BTBD7: variants seen among roughly 807,000 people sequenced by gnomAD.
The protein encoded by BTBD7 is BTB/POZ domain-containing protein 7.
A neutral mutation model predicts 99.9 loss-of-function variants in BTBD7; 38 were observed. That is an observed-to-expected ratio of 0.38 (90% CI 0.29 to 0.50). The LOEUF is 0.50. Ranked by LOEUF, BTBD7 falls within the 20% of genes least tolerant of loss-of-function variation. BTBD7 has a pLI of 0.93. For synonymous variants in BTBD7, 520 were observed against 511.4 expected (o/e 1.02, Z -0.23); for missense variants, 1,170 against 1,394.6 (o/e 0.84, Z 2.57).
chr14:93,320,921 A>C, intron 1 of BTBD7, among the ~76,000 whole-genome samples: 1 of 152,212 alleles, frequency 6.6e-6, no homozygotes, highest in Non-Finnish European at 1.5e-5. Context: ...TTTAGAAACT[A>C]ATTAAAAATG....
chr14:93,246,310 A>G (rs764423213), intron 9 of BTBD7, 24 bp from the exon 10 acceptor site: 1 of 1,484,520 alleles, frequency 6.7e-7, no homozygotes, highest in East Asian at 2.3e-5. Context: ...AAAAAAAAAA[A>G]AAAGGACATT....
intron 5 of BTBD7, among the ~76,000 whole-genome samples, chr14:93,261,201 C>T (rs1290802794): frequency 2.6e-5 from 4 of 152,142 alleles, no homozygotes; most frequent in Non-Finnish European, 5.9e-5. Flanking sequence ...CATTTTAAAG[C>T]GTACCATTCA....
At chr14:93,291,858 T>C (rs954029399) in intron 3 of BTBD7, among the ~76,000 whole-genome samples, 3 of 151,738 alleles carry the variant, frequency 2.0e-5, no homozygotes, top group East Asian at 3.9e-4. Context: ...CCAAAGATCT[T>C]AGAGCTGGCT....
rs780929084 is a variant in BTBD7 at position 93,242,787 on chromosome 14, C to T, written c.2885G>A (p.Arg962Lys). The T allele has an allele frequency of 1.2e-6, 2 of 1,614,090 alleles. No homozygotes were observed. The highest frequency in any genetic ancestry group is 1.7e-6 in the Non-Finnish European group (2 of 1,180,052). ...ACRPSTPALS[R>K]RTPSPSQGGY... ...ACCTTGCGAAGGGGAAGGGGTGCGT[C>T]TGCTGAGAGCAGGAGTAGAAGGTCT... Residue 962 changes from arginine (R) to lysine (K), a missense_variant, in exon 11 of 11, where the codon AGA (arginine) becomes AAA (lysine). Transcript: ENST00000334746.
chr14:93,285,392 T>C lies in BTBD7; in HGVS notation c.1162+8466A>G, dbSNP rs182661402. On this transcript the variant is annotated intron_variant, in intron 3 of 10. Transcript: ENST00000334746. The stretch of plus-strand genomic sequence containing the variant: ...CATTACGACTAAAAATATGGGCAAA[T>C]GCATTACAGAGTCCATTTTGGAACT... Among the ~76,000 whole-genome samples, 8 of 152,338 alleles carry C rather than the reference T, an allele frequency of 5.3e-5. No homozygotes were observed. In the East Asian group the frequency reaches 1.5e-3, roughly 29 times the overall value.
intron 1 of BTBD7, among the ~76,000 whole-genome samples, chr14:93,296,644 T>C (rs999337953): frequency 3.9e-5 from 6 of 152,210 alleles, no homozygotes; most frequent in African/African-American, 1.2e-4. Context: ...ATCTTTAATC[T>C]GTATAATTAG....
chr14:93,242,823 T>A lies in BTBD7; in HGVS notation c.2849A>T (p.Asn950Ile), dbSNP rs1270017520. ...QEYPDFYDFS[N>I]AACRPSTPAL... is the part of the protein sequence containing the mutation. Reference sequence around the variant, plus strand: ...AGGAGTAGAAGGTCTGCAAGCAGCATTTGAGAAGTCATAGAAATCCGGATA... The same window carrying A: ...AGGAGTAGAAGGTCTGCAAGCAGCAATTGAGAAGTCATAGAAATCCGGATA... The change falls in exon 11 of 11, where the codon AAT becomes ATT. Residue 950 changes from asparagine (N) to isoleucine (I), a missense_variant. By Grantham distance (149) the Asn-to-Ile change is moderately radical. Around this residue, in one of 4 missense-constraint regions of BTBD7, gnomAD observed 495 missense variants for 525.9 expected, o/e 0.94. Transcript: ENST00000334746. 1 of 1,614,108 alleles carries A rather than the reference T, an allele frequency of 6.2e-7. No individual in the cohort carries two copies. Among genetic ancestry groups the A allele is most frequent in the Non-Finnish European group, 8.5e-7 (1 of 1,180,020 alleles).
At chr14:93,272,454 C>T (rs985751705) in intron 3 of BTBD7, among the ~76,000 whole-genome samples, 6 of 152,240 alleles carry the variant, frequency 3.9e-5, no homozygotes, top group Middle Eastern at 3.4e-3. Flanking sequence ...AATATCTAAC[C>T]AATGTGTCCT....
At chr14:93,328,600 A>G (rs967928737) in intron 1 of BTBD7, among the ~76,000 whole-genome samples, 1 of 145,536 alleles carries the variant, frequency 6.9e-6, no homozygotes, top group African/African-American at 2.6e-5. Flanking sequence ...AGCCAGAACT[A>G]TAAAATTCTT....
intron 1 of BTBD7, among the ~76,000 whole-genome samples, chr14:93,296,780 T>G (rs75541798): frequency 0.059 from 8,980 of 152,204 alleles, 905 homozygotes; most frequent in African/African-American, 0.2. Flanking sequence ...AACAAAAAAT[T>G]TTATCTATCC....
At chr14:93,288,856 T>C (rs2052812321) in intron 3 of BTBD7, 1 of 1,183,184 alleles carries the variant, frequency 8.5e-7, no homozygotes, top group African/African-American at 1.5e-5. Flanking sequence ...TTCTTGTATT[T>C]GCCTGGCTGG....
intron 3 of BTBD7, among the ~76,000 whole-genome samples, chr14:93,281,195 T>A (rs2052715605): frequency 6.7e-6 from 1 of 150,016 alleles, no homozygotes; most frequent in African/African-American, 2.5e-5. Context: ...AGAGATGGAG[T>A]TTCACCATGT....
intron 1 of BTBD7, among the ~76,000 whole-genome samples, chr14:93,304,639 A>T (rs1216862714): frequency 6.6e-6 from 1 of 152,238 alleles, no homozygotes; most frequent in Non-Finnish European, 1.5e-5. Flanking sequence ...GGCGTGAGCC[A>T]CCGTGCCCGG....
chr14:93,327,070 A>AG (rs2053342142), intron 1 of BTBD7, among the ~76,000 whole-genome samples: 2 of 152,218 alleles, frequency 1.3e-5, no homozygotes, highest in Non-Finnish European at 2.9e-5. Flanking sequence ...CTGAGGCAGG[A>AG]GGCTTGCTGG....
chr14:93,319,060 C>A (rs971463721), intron 1 of BTBD7, among the ~76,000 whole-genome samples: 29 of 152,126 alleles, frequency 1.9e-4, no homozygotes, highest in African/African-American at 7.0e-4. Context: ...CAGAAAAATT[C>A]GCCAAGTGTG....
chr14:93,248,703 AGAC>A, intron 8 of BTBD7, 49 bp from the exon 9 acceptor site: 1 of 1,497,996 alleles, frequency 6.7e-7, no homozygotes, highest in South Asian at 1.3e-5. Context: ...GCTACACAAA[AGAC>A]GACCCCGTGA....
At chr14:93,303,814 T>C (rs941182920) in intron 1 of BTBD7, among the ~76,000 whole-genome samples, 1 of 152,106 alleles carries the variant, frequency 6.6e-6, no homozygotes, top group Non-Finnish European at 1.5e-5. Context: ...AAATGGGAAT[T>C]AGAGGGCTGA....
intron 1 of BTBD7, among the ~76,000 whole-genome samples, chr14:93,302,389 T>A (rs2053015534): frequency 6.6e-6 from 1 of 152,104 alleles, no homozygotes; most frequent in East Asian, 1.9e-4. Flanking sequence ...TTTAATATGA[T>A]GTATTATTCA....
chr14:93,248,336 GGT>G, intron 9 of BTBD7, 138 bp downstream of exon 9: 1 of 825,416 alleles, frequency 1.2e-6, no homozygotes, highest in Non-Finnish European at 1.8e-6. Context: ...GGGACTTGCA[GGT>G]TATCAAAGAC....
Sources: gnomAD v4.1 joint callset for allele counts (sites outside exome capture counted in the v4.1 genomes callset) on GRCh38, gnomAD v4.1.1 for gene constraint, gnomAD v4.1.1 regional missense constraint, MANE v1.5 for transcripts, NCBI Gene and HGNC (gene_info 2026-07-23, HGNC 2026-07-21) for gene names.